Variants in PPL observed in about 807,000 individuals in gnomAD.
PPL encodes 190 kDa paraneoplastic pemphigus antigen.
A neutral mutation model predicts 194.4 loss-of-function variants in PPL; 198 were observed. The ratio of observed to expected loss-of-function variants is 1.02; its 90% CI spans 0.91 to 1.15. The LOEUF (loss-of-function observed/expected upper bound fraction) is 1.15. PPL is among the 50% of genes most tolerant of loss of function. The pLI, the probability that PPL is intolerant of heterozygous loss-of-function variation, is 0.00. For synonymous variants in PPL, 1,220 were observed against 972.4 expected (o/e 1.25, Z -4.74); for missense variants, 2,885 against 2,294.8 (o/e 1.26, Z -5.25).
Position 4,885,063 on chromosome 16 carries a change from G to C in PPL, c.3592C>G (p.Gln1198Glu), listed in dbSNP as rs748064575. ...VANLRLELVE[Q>E]ERKYRGAEEQ... ...TCGGCACCCCGGTACTTTCGCTCCTGCTCCACAAGCTCCAGGCGGAGGTTC... is the reference window on the plus strand; with the variant it reads ...TCGGCACCCCGGTACTTTCGCTCCTCCTCCACAAGCTCCAGGCGGAGGTTC... Residue 1198 changes from glutamine to glutamate, a missense_variant, in exon 22 of 22, where the codon CAG becomes GAG. By Grantham distance (29) the Gln-to-Glu change is conservative. Transcript: ENST00000345988. This position sits in a 1 kb window ranked among gnomAD's most constrained non-coding sequence, Gnocchi z 6.3. The C allele has an allele frequency of 6.2e-7, 1 of 1,613,594 alleles. No homozygotes were observed. Among genetic ancestry groups the C allele is most frequent in the East Asian group, 2.2e-5 (1 of 44,864 alleles).
In PPL at chr16:4,885,454, C is replaced by T. The variant is rs202140447; in HGVS notation, c.3201G>A (p.Glu1067=). ...VVKLQNDPQL[E]AEYQQLQEDH... is the part of the protein sequence containing the mutation. Reference sequence around the variant, plus strand: ...CCTCCTGCAGCTGCTGGTACTCTGCCTCCAGCTGGGGGTCATTCTGCAGTT... The same window carrying T: ...CCTCCTGCAGCTGCTGGTACTCTGCTTCCAGCTGGGGGTCATTCTGCAGTT... The change falls in exon 22 of 22, where the codon GAG becomes GAA. Residue 1067 remains glutamate, a synonymous_variant. Coordinates refer to ENST00000345988, the MANE Select transcript of PPL (RefSeq NM_002705.5). The surrounding 1 kb of genome is among the most constrained non-coding windows in gnomAD (Gnocchi z 6.3). The T allele has an allele frequency of 4.8e-4, 770 of 1,612,704 alleles. 14 individuals carry two copies. The South Asian group carries it at 8.0e-3, about 17-fold the overall frequency.
chr16:4,916,007 C>G (rs986002791), intron 1 of PPL, among the ~76,000 whole-genome samples: 2 of 152,214 alleles, frequency 1.3e-5, no homozygotes, highest in African/African-American at 4.8e-5. Context: ...CACCGGGATG[C>G]CACTTTTCAT....
chr16:4,889,032 C>T lies in PPL; in HGVS notation c.2343G>A (p.Glu781=). ...TGGCACAGATCTTCTGTACTTCCTG[C>T]TCCCTACTTGCTATCTCATCTAGCA... is the stretch of plus-strand genomic sequence containing the variant. ...KNLLDEIASR[E]QEVQKICANS... The change falls in exon 19 of 22, where the codon GAG becomes GAA. Residue 781 remains glutamate (E), a synonymous_variant. Transcript: ENST00000345988. 1 of 1,613,752 alleles carries T rather than the reference C, an allele frequency of 6.2e-7. No individual in the cohort carries two copies. The highest frequency in any genetic ancestry group is 8.5e-7 in the Non-Finnish European group (1 of 1,179,898).
Position 4,885,759 on chromosome 16 carries a change from G to A in PPL, c.2896C>T (p.Leu966=), listed in dbSNP as rs538517057. ...AGTGCCTCCAGCTCCTCCTGCAGCA[G>A]CTGGTTCTTGTGCTGCTCCTCTGCC... is the stretch of plus-strand genomic sequence containing the variant. The part of the protein sequence containing the change: ...TLAEEQHKNQ[L]LQEELEALQL... Residue 966 remains leucine, a synonymous_variant, in exon 22 of 22, where the codon CTG becomes TTG. Transcript: ENST00000345988. The surrounding 1 kb of genome is among the most constrained non-coding windows in gnomAD (Gnocchi z 6.3). The A allele has an allele frequency of 6.2e-6, 10 of 1,612,226 alleles. No homozygotes were observed. In the African/African-American group the frequency reaches 9.3e-5, roughly 15 times the overall value.
intron 14 of PPL, chr16:4,892,980 G>C: frequency 2.1e-6 from 1 of 483,878 alleles, no homozygotes; most frequent in Non-Finnish European, 3.5e-6. Context: ...GCGTCAGATC[G>C]ACAAGCCGTG....
At chr16:4,936,647 C>G (rs1369373879) in intron 1 of PPL, among the ~76,000 whole-genome samples, 1 of 152,162 alleles carries the variant, frequency 6.6e-6, no homozygotes, top group Non-Finnish European at 1.5e-5. Context: ...CTGTGCGACC[C>G]TCTGCGCAAG....
intron 1 of PPL, among the ~76,000 whole-genome samples, chr16:4,922,480 A>G (rs970484302): frequency 6.6e-6 from 1 of 152,044 alleles, no homozygotes; most frequent in Non-Finnish European, 1.5e-5. Context: ...TGGCCAACAT[A>G]GTGAAACCCT....
At chr16:4,906,416 G>A (rs1390707265) in intron 2 of PPL, among the ~76,000 whole-genome samples, 1 of 151,860 alleles carries the variant, frequency 6.6e-6, no homozygotes, top group African/African-American at 2.4e-5. Flanking sequence ...TAGTAGAGAC[G>A]GGGTTTCACC....
At chr16:4,899,829 A>G (rs910585263) in intron 6 of PPL, among the ~76,000 whole-genome samples, 6 of 152,192 alleles carry the variant, frequency 3.9e-5, no homozygotes, top group African/African-American at 1.2e-4. Flanking sequence ...TTTTATCTGT[A>G]TCATGATCGT....
chr16:4,916,617 T>G (rs1051397509), intron 1 of PPL, among the ~76,000 whole-genome samples: 1 of 151,960 alleles, frequency 6.6e-6, no homozygotes, highest in South Asian at 2.1e-4. Context: ...GCAATCTTTG[T>G]ACCTCAGCCT....
intron 18 of PPL, among the ~76,000 whole-genome samples, 180 bp from the exon 19 acceptor site, chr16:4,889,241 G>GGGTTTT (rs1442783436): frequency 1.5e-5 from 1 of 66,636 alleles, no homozygotes; most frequent in Non-Finnish European, 2.5e-5. Flanking sequence ...TGTTGTTGTT[G>GGGTTTT]TTTTTTTTTT....
At chr16:4,929,525 G>T (rs1019900404) in intron 1 of PPL, among the ~76,000 whole-genome samples, 1 of 152,112 alleles carries the variant, frequency 6.6e-6, no homozygotes, top group Non-Finnish European at 1.5e-5. Flanking sequence ...AAAAGAATCA[G>T]CCACGCATGT....
At position 4,882,678 on chromosome 16, in the gene PPL, T is replaced by G. The variant is rs2088120138; in HGVS notation, c.*706A>C. The stretch of plus-strand genomic sequence containing the variant: ...TACCAGTGAGATAATAAGCGAGACT[T>G]GTAAAGCACTGAAACTAAGGCTAAC... On this transcript the variant is annotated 3_prime_UTR_variant, in exon 22 of 22. Transcript: ENST00000345988. The G allele has an allele frequency of 6.6e-6, 1 of 152,288 alleles. No homozygotes were observed. Among genetic ancestry groups the G allele is most frequent in the Non-Finnish European group, 1.5e-5 (1 of 68,082 alleles). 9.4% of individuals were successfully genotyped at this position (152,288 alleles called of 1,614,324 possible).
In PPL at chr16:4,890,834, G is replaced by A; in HGVS notation, c.2056C>T (p.Leu686=). Residue 686 remains leucine, a synonymous_variant, in exon 17 of 22, where the codon CTG becomes TTG. Coordinates refer to ENST00000345988, the MANE Select transcript of PPL (RefSeq NM_002705.5). ...LQAAKQCSST[L]ASRFQEHCPD... ...CAGTGCTCCTGGAAGCGGCTGGCCA[G>A]TGTGCTCGAGCACTGCTTGGCCGCC... 6 of 1,577,832 alleles carry A rather than the reference G, an allele frequency of 3.8e-6. No homozygotes were observed. The highest frequency in any genetic ancestry group is 5.2e-6 in the Non-Finnish European group (6 of 1,161,858).
rs1367685325 is a variant in PPL, at chr16:4,885,843, G to T, written c.2812C>A (p.Leu938Ile). ...PQESVVRKEVLKKVPDPVLEE... is the reference protein window; with the variant it reads ...PQESVVRKEVIKKVPDPVLEE... Reference sequence around the variant, plus strand: ...AGCACGGGATCCGGCACCTTCTTGAGCACCTCCTTCCTCACCACCGATTCC... The same window carrying T: ...AGCACGGGATCCGGCACCTTCTTGATCACCTCCTTCCTCACCACCGATTCC... The change falls in exon 22 of 22, where the codon CTC (leucine) becomes ATC (isoleucine). Residue 938 changes from leucine (L) to isoleucine (I), a missense_variant. Leu to Ile is a conservative substitution (Grantham distance 5). Coordinates refer to ENST00000345988, the MANE Select transcript of PPL (RefSeq NM_002705.5). The surrounding 1 kb of genome is among the most constrained non-coding windows in gnomAD (Gnocchi z 6.3). 6.2e-7 allele frequency: 1 copy of T among 1,607,782 alleles called. No homozygotes were observed. Among genetic ancestry groups the T allele is most frequent in the East Asian group, 2.2e-5 (1 of 44,874 alleles).
chr16:4,897,720 G>A lies in PPL; in HGVS notation c.927C>T (p.Leu309=), dbSNP rs1283848093. 2 of 1,613,976 alleles carry A rather than the reference G, an allele frequency of 1.2e-6. No individual in the cohort carries two copies. The highest frequency in any genetic ancestry group is 2.2e-5 in the East Asian group (1 of 44,886). ...ACTTGAGGTGGCTCTCCTCGCAGAT[G>A]AGCAGGTTCAGGTACTCCTTCCAGT... is the stretch of plus-strand genomic sequence containing the variant. ...HADWKEYLNL[L]ICEESHLKYM... is the part of the protein sequence containing the mutation. Residue 309 remains leucine, a synonymous_variant, in exon 9 of 22, where the codon CTC becomes CTT. Transcript: ENST00000345988.
Position 4,884,563 on chromosome 16 carries a change from C to G in PPL, c.4092G>C (p.Leu1364=), listed in dbSNP as rs1049207. The change falls in exon 22 of 22, where the codon CTG becomes CTC. Residue 1364 remains leucine (L), a synonymous_variant. Coordinates refer to ENST00000345988, the MANE Select transcript of PPL (RefSeq NM_002705.5). This position sits in a 1 kb window ranked among gnomAD's most constrained non-coding sequence, Gnocchi z 5.7. ...EVVRYEEEPG[L]RAEASAFAES... is the part of the protein sequence containing the mutation. The stretch of plus-strand genomic sequence containing the variant: ...CGGCAAAGGCGCTCGCCTCGGCCCG[C>G]AGGCCTGGCTCCTCCTCATACCTGA... 858,116 of 1,613,294 alleles carry G rather than the reference C, an allele frequency of 0.53. 235,974 individuals carry two copies. The highest frequency in any genetic ancestry group is 0.65 in the East Asian group (28,932 of 44,810).
rs376903447 is a variant in PPL, at chr16:4,883,524, G to C, written c.5131C>G (p.His1711Asp). The C allele has an allele frequency of 1.9e-6, 3 of 1,614,070 alleles. No individual in the cohort carries two copies. The highest frequency in any genetic ancestry group is 2.5e-6 in the Non-Finnish European group (3 of 1,180,036). ...KGPNGESSVI[H>D]DRKSGKKFSI... is the part of the protein sequence containing the mutation. ...AACTTCTTGCCAGACTTCCTGTCGT[G>C]TATCACTGAGGACTCCCCATTGGGA... The change falls in exon 22 of 22, where the codon CAC (histidine) becomes GAC (aspartate). Residue 1711 changes from histidine (H) to aspartate (D), a missense_variant. His to Asp is a moderately conservative substitution (Grantham distance 81). Transcript: ENST00000345988. The surrounding 1 kb of genome is among the most constrained non-coding windows in gnomAD (Gnocchi z 4.8).
chr16:4,929,785 C>G (rs1476534531), intron 1 of PPL, among the ~76,000 whole-genome samples: 1 of 152,088 alleles, frequency 6.6e-6, no homozygotes, highest in Non-Finnish European at 1.5e-5. Context: ...TTCCTGGACT[C>G]AGGGATCCTC....
Sources: allele counts gnomAD v4.1 joint callset (sites outside exome capture counted in the v4.1 genomes callset), GRCh38; gene constraint gnomAD v4.1.1; non-coding constraint Gnocchi (gnomAD v3.1); transcripts MANE v1.5; gene names NCBI Gene and HGNC (gene_info 2026-07-23, HGNC 2026-07-21).